HMGB1: variants seen among roughly 807,000 people sequenced by gnomAD.
The protein encoded by HMGB1 is high mobility group protein B1.
For synonymous variants in HMGB1, 81 were observed against 84.0 expected (o/e 0.96, Z 0.19); for missense variants, 79 against 253.5 (o/e 0.31, Z 4.67).
At chr13:30,597,208 C>T (rs1484182511) in intron 1 of HMGB1, among the ~76,000 whole-genome samples, 1 of 135,842 alleles carries the variant, frequency 7.4e-6, no homozygotes, top group East Asian at 1.9e-4. Flanking sequence ...TAATCCAATA[C>T]GACCAGTGTC....
upstream of HMGB1, among the ~76,000 whole-genome samples, chr13:30,469,974 C>G (rs900670122): frequency 1.3e-5 from 2 of 151,958 alleles, no homozygotes; most frequent in Admixed American, 1.3e-4. Flanking sequence ...GACAAGGTCT[C>G]TCCATGTTGC....
At chr13:30,499,670 C>T (rs1007700269) in intron 1 of HMGB1, among the ~76,000 whole-genome samples, 1 of 152,166 alleles carries the variant, frequency 6.6e-6, no homozygotes, top group Non-Finnish European at 1.5e-5. Context: ...TGTAGATTCC[C>T]TCTTCTTTAA....
intron 4 of HMGB1, 37 bp from the exon 5 acceptor site, chr13:30,461,570 A>G (rs1213281774): frequency 1.3e-6 from 2 of 1,570,080 alleles, no homozygotes; most frequent in South Asian, 2.3e-5. Flanking sequence ...AGTAGGGAAG[A>G]AAAAAACATT....
intron 1 of HMGB1, among the ~76,000 whole-genome samples, chr13:30,482,345 G>A (rs1487883618): frequency 6.6e-6 from 1 of 152,172 alleles, no homozygotes; most frequent in Non-Finnish European, 1.5e-5. Context: ...AGATCAAGAT[G>A]GTAAAGACCA....
intron 1 of HMGB1, among the ~76,000 whole-genome samples, chr13:30,589,918 T>C (rs949170453): frequency 2.0e-5 from 3 of 150,716 alleles, no homozygotes; most frequent in African/African-American, 7.3e-5. Flanking sequence ...AAATTGGGAA[T>C]GAACAGGACT....
chr13:30,466,064 G>A (rs551511977), upstream of HMGB1: 2 of 538,158 alleles, frequency 3.7e-6, no homozygotes, highest in East Asian at 2.9e-4. Flanking sequence ...ACGTCATCAA[G>A]GATTGAAACA....
intron 1 of HMGB1, among the ~76,000 whole-genome samples, chr13:30,556,823 T>G (rs1869712281): frequency 6.6e-6 from 1 of 152,208 alleles, no homozygotes; most frequent in Non-Finnish European, 1.5e-5. Context: ...TAAGTTCTAG[T>G]GTTCGACAGC....
chr13:30,476,118 CT>C (rs71093065), intron 1 of HMGB1, among the ~76,000 whole-genome samples: 2,162 of 109,454 alleles, frequency 0.02, 24 homozygotes, highest in African/African-American at 0.047. Context: ...GTGGCATGTA[CT>C]TTTTTTTTTT....
intron 1 of HMGB1, among the ~76,000 whole-genome samples, chr13:30,592,988 T>C (rs982507392): frequency 6.6e-6 from 1 of 152,208 alleles, no homozygotes; most frequent in Non-Finnish European, 1.5e-5. Context: ...AGGGATTGCC[T>C]TTACTACTGT....
intron 1 of HMGB1, among the ~76,000 whole-genome samples, chr13:30,564,787 T>C (rs1177060230): frequency 6.6e-6 from 1 of 152,246 alleles, no homozygotes; most frequent in African/African-American, 2.4e-5. Context: ...TGATGCCTCA[T>C]AGTACAGAAA....
chr13:30,462,439 G>A, intron 4 of HMGB1, 99 bp downstream of exon 4: 1 of 913,342 alleles, frequency 1.1e-6, no homozygotes, highest in Non-Finnish European at 1.8e-6. Flanking sequence ...CATACTTAAT[G>A]TAGCTGTTAC....
chr13:30,476,574 T>A (rs1887103732), intron 1 of HMGB1, among the ~76,000 whole-genome samples: 1 of 152,120 alleles, frequency 6.6e-6, no homozygotes, highest in East Asian at 1.9e-4. Flanking sequence ...CATAGAGTAT[T>A]TTGTTTATGG....
At chr13:30,503,707 G>C (rs1887790242) in intron 1 of HMGB1, among the ~76,000 whole-genome samples, 1 of 142,754 alleles carries the variant, frequency 7.0e-6, no homozygotes, top group Non-Finnish European at 1.5e-5. Context: ...GTGCTGCACA[G>C]GTCAACAAGA....
At chr13:30,609,227 T>C (rs1377324076) in intron 1 of HMGB1, among the ~76,000 whole-genome samples, 1 of 152,106 alleles carries the variant, frequency 6.6e-6, no homozygotes, top group Non-Finnish European at 1.5e-5. Context: ...GCCACTGCAC[T>C]CCAGCCTGGG....
chr13:30,510,623 T>G (rs1443509395), intron 1 of HMGB1, among the ~76,000 whole-genome samples: 3 of 152,182 alleles, frequency 2.0e-5, no homozygotes, highest in Non-Finnish European at 4.4e-5. Context: ...AAAATACCAC[T>G]GGTCTCTATG....
intron 1 of HMGB1, among the ~76,000 whole-genome samples, chr13:30,521,937 T>C (rs1032812457): frequency 1.3e-5 from 2 of 152,210 alleles, no homozygotes; most frequent in Admixed American, 6.5e-5. Context: ...TATAACTCAT[T>C]ATGGCATTGC....
chr13:30,580,347 C>T (rs1008856280), intron 1 of HMGB1, among the ~76,000 whole-genome samples: 6 of 152,160 alleles, frequency 3.9e-5, no homozygotes, highest in Non-Finnish European at 8.8e-5. Context: ...ACTTAAAGTG[C>T]TGGATGTGGC....
intron 1 of HMGB1, among the ~76,000 whole-genome samples, chr13:30,486,744 AAG>A (rs765332383): frequency 6.6e-6 from 1 of 152,144 alleles, no homozygotes; most frequent in African/African-American, 2.4e-5. Context: ...CCTATTTGCC[AAG>A]ACCTCCAGGG....
At chr13:30,525,718 TAAA>T (rs61016729) in intron 1 of HMGB1, among the ~76,000 whole-genome samples, 17 of 150,438 alleles carry the variant, frequency 1.1e-4, no homozygotes, top group Non-Finnish European at 1.8e-4. Flanking sequence ...ATTATTAACA[TAAA>T]AAAAAAAACC....
Sources: gnomAD v4.1 joint callset for allele counts (sites outside exome capture counted in the v4.1 genomes callset) on GRCh38, gnomAD v4.1.1 for gene constraint, MANE v1.5 for transcripts, NCBI Gene and HGNC (gene_info 2026-07-23, HGNC 2026-07-21) for gene names.